PKNOX2: variants seen among roughly 807,000 people sequenced by gnomAD.
PKNOX2 encodes homeobox protein PKNOX2.
In PKNOX2, 14 loss-of-function variants were observed where a neutral mutation model predicts 53.1. The ratio of observed to expected loss-of-function variants is 0.26; its 90% CI spans 0.17 to 0.41. PKNOX2 has a LOEUF of 0.41. Among genes scored for constraint, PKNOX2 ranks in the 10% least tolerant of loss-of-function variants. PKNOX2 has a pLI of 1.00. For synonymous variants in PKNOX2, 257 were observed against 242.8 expected, an observed-to-expected ratio of 1.06 and a Z score of -0.54; for missense variants, 496 against 602.8, an observed-to-expected ratio of 0.82 and a Z score of 1.85.
At chr11:125,219,336 G>A (rs1380001704) in intron 1 of PKNOX2, among the ~76,000 whole-genome samples, 2 of 152,010 alleles carry the variant, frequency 1.3e-5, no homozygotes, top group Non-Finnish European at 2.9e-5. Flanking sequence ...TACTTTGTAG[G>A]CTGAGGCAGG....
At chr11:125,418,242 T>G (rs1474950705) in intron 10 of PKNOX2, among the ~76,000 whole-genome samples, 1 of 152,096 alleles carries the variant, frequency 6.6e-6, no homozygotes, top group Non-Finnish European at 1.5e-5. Flanking sequence ...GGGATTCTCA[T>G]GTCTAGCTTC....
intron 10 of PKNOX2, 119 bp from the exon 11 acceptor site, chr11:125,428,893 G>A (rs1328247707): frequency 2.0e-6 from 2 of 998,932 alleles, no homozygotes; most frequent in Admixed American, 2.1e-5. Context: ...CCCCAATTTT[G>A]GTTCCCAAAC....
chr11:125,420,403 A>G (rs369933317), intron 10 of PKNOX2, among the ~76,000 whole-genome samples: 119 of 149,842 alleles, frequency 7.9e-4, no homozygotes, highest in South Asian at 7.1e-3. Flanking sequence ...GCAGGCACCT[A>G]TAGTCCCAGC....
intron 1 of PKNOX2, among the ~76,000 whole-genome samples, chr11:125,220,849 C>T (rs149234792): frequency 8.3e-4 from 126 of 152,308 alleles, no homozygotes; most frequent in Non-Finnish European, 1.7e-3. Context: ...ATCCTACATT[C>T]GCCACTGGGT....
chr11:125,287,965 G>A (rs963977082), intron 2 of PKNOX2: 1 of 152,312 alleles, frequency 6.6e-6, no homozygotes, highest in Admixed American at 6.5e-5. Flanking sequence ...CCAGGGGGCA[G>A]AGGGTTGCTC....
chr11:125,170,352 C>T (rs1955194564), intron 1 of PKNOX2, among the ~76,000 whole-genome samples: 1 of 152,144 alleles, frequency 6.6e-6, no homozygotes, highest in South Asian at 2.1e-4. Context: ...TTTTCCTCCT[C>T]ATTTCCTTCT....
At chr11:125,228,794 A>C (rs950050912) in intron 1 of PKNOX2, among the ~76,000 whole-genome samples, 3 of 152,118 alleles carry the variant, frequency 2.0e-5, no homozygotes, top group African/African-American at 7.2e-5. Context: ...ATTTTGTTTT[A>C]TTGCTGGTCT....
At chr11:125,309,470 C>T (rs914400835) in intron 2 of PKNOX2, among the ~76,000 whole-genome samples, 14 of 150,738 alleles carry the variant, frequency 9.3e-5, no homozygotes, top group Non-Finnish European at 1.9e-4. Flanking sequence ...TCACTGCAAA[C>T]TCCACCTCCC....
intron 1 of PKNOX2, among the ~76,000 whole-genome samples, chr11:125,226,835 C>G (rs780300129): frequency 1.8e-4 from 27 of 151,326 alleles, no homozygotes; most frequent in Middle Eastern, 3.4e-3. Context: ...TCTGGAGTTG[C>G]CTTCCCTGTT....
chr11:125,297,037 G>A (rs973719655), intron 2 of PKNOX2, among the ~76,000 whole-genome samples: 1 of 152,192 alleles, frequency 6.6e-6, no homozygotes, highest in Non-Finnish European at 1.5e-5. Flanking sequence ...CTGGCACATA[G>A]CAGGTGATGA....
chr11:125,362,858 G>T (rs1951997118), intron 4 of PKNOX2, among the ~76,000 whole-genome samples: 1 of 152,168 alleles, frequency 6.6e-6, no homozygotes, highest in African/African-American at 2.4e-5. Context: ...ATGAGTAGAA[G>T]GCCAGACTGC....
Position 125,377,030 on chromosome 11 carries a change from G to A in PKNOX2, c.228-8521G>A, listed in dbSNP as rs1046263004. On this transcript the variant is annotated intron_variant, in intron 5 of 12. Coordinates refer to ENST00000298282, the MANE Select transcript of PKNOX2 (RefSeq NM_001382323.2). ...GTTTTCCCAGCCAAATGAGTCAGTG[G>A]AGATGGGAATATAAATTTATTGGAG... is the stretch of plus-strand genomic sequence containing the variant. Among the ~76,000 whole-genome samples, 15 of 152,334 alleles carry A rather than the reference G, an allele frequency of 9.8e-5. No homozygotes were observed. The South Asian group carries it at 3.1e-3, about 32-fold the overall frequency.
chr11:125,429,098 C>T lies in PKNOX2; in HGVS notation c.1013+10C>T, dbSNP rs759451997. The T allele has an allele frequency of 6.2e-7, 1 of 1,601,966 alleles. No individual in the cohort carries two copies. The highest frequency in any genetic ancestry group is 8.6e-7 in the Non-Finnish European group (1 of 1,168,934). On this transcript the variant is annotated intron_variant, in intron 11 of 12. Coordinates refer to ENST00000298282, the MANE Select transcript of PKNOX2 (RefSeq NM_001382323.2). ...TGCAAGTAAACAACTGGTGAGTTTG[C>T]ATCACCTGCATGCAGGCTCCCAGAT...
chr11:125,374,310 T>C (rs1386371740), intron 5 of PKNOX2, among the ~76,000 whole-genome samples: 1 of 152,020 alleles, frequency 6.6e-6, no homozygotes, highest in East Asian at 1.9e-4. Flanking sequence ...GACTACTAGG[T>C]GCTGTGGGCA....
chr11:125,275,005 G>A (rs1235521678), intron 2 of PKNOX2, among the ~76,000 whole-genome samples: 1 of 152,232 alleles, frequency 6.6e-6, no homozygotes, highest in Non-Finnish European at 1.5e-5. Flanking sequence ...CCTACTGTGT[G>A]CAAGGCTTTA....
rs899185283 is a variant in PKNOX2 at position 125,352,635 on chromosome 11, G to C, written c.87+1243G>C. Among the ~76,000 whole-genome samples the C allele has an allele frequency of 4.6e-5, 7 of 152,134 alleles. No individual in the cohort carries two copies. The highest frequency in any genetic ancestry group is 1.7e-4 in the African/African-American group (7 of 41,422). On this transcript the variant is annotated intron_variant, in intron 4 of 12. Coordinates refer to ENST00000298282, the MANE Select transcript of PKNOX2 (RefSeq NM_001382323.2). This position sits in a 1 kb window ranked among gnomAD's most constrained non-coding sequence, Gnocchi z 4.1. Reference sequence around the variant, plus strand: ...CTGGGAGATTACCAGATGCTGTGGGGCTTCTTTCTAGCGTACCCAGCATAT... The same window carrying C: ...CTGGGAGATTACCAGATGCTGTGGGCCTTCTTTCTAGCGTACCCAGCATAT...
At chr11:125,351,916 G>T (rs1373565965) in intron 4 of PKNOX2, among the ~76,000 whole-genome samples, 1 of 152,100 alleles carries the variant, frequency 6.6e-6, no homozygotes, top group African/African-American at 2.4e-5. Context: ...AAAAAGCCAA[G>T]ATTCTTTCTG....
At chr11:125,259,378 T>A (rs1251106040) in intron 2 of PKNOX2, among the ~76,000 whole-genome samples, 2 of 152,202 alleles carry the variant, frequency 1.3e-5, no homozygotes, top group African/African-American at 4.8e-5. Flanking sequence ...CTCTGACAAC[T>A]TTTTTTATTC....
Position 125,332,761 on chromosome 11 carries a change from A to C in PKNOX2, c.-23+836A>C, listed in dbSNP as rs552566221. ...AGTCTCCATTTTGGCAGCAGAAATCATCGCCAAATTCCTCACAAAGCTGGT... is the reference window on the plus strand; with the variant it reads ...AGTCTCCATTTTGGCAGCAGAAATCCTCGCCAAATTCCTCACAAAGCTGGT... On this transcript the variant is annotated intron_variant, in intron 3 of 12. Coordinates refer to ENST00000298282, the MANE Select transcript of PKNOX2 (RefSeq NM_001382323.2). 2.6e-5 allele frequency: 4 copies of C among 152,312 alleles called. No individual in the cohort carries two copies. In the East Asian group the frequency reaches 5.8e-4, roughly 22 times the overall value. 9.4% of individuals were successfully genotyped at this position (152,312 alleles called of 1,614,324 possible). A position where few individuals can be genotyped will look rare whatever the true frequency, so the allele number is the denominator to read the frequency against.
Sources: gnomAD v4.1 joint callset for allele counts (sites outside exome capture counted in the v4.1 genomes callset) on GRCh38, gnomAD v4.1.1 for gene constraint, Gnocchi (gnomAD v3.1) non-coding constraint, MANE v1.5 for transcripts, NCBI Gene and HGNC (gene_info 2026-07-23, HGNC 2026-07-21) for gene names.